Variants in NR6A1 observed in about 807,000 individuals in gnomAD.
NR6A1 encodes the protein retinoic acid receptor-related testis-associated receptor.
NR6A1 carries 7 observed loss-of-function variants against 59.1 expected under a neutral mutation model. The observed-to-expected ratio is 0.12, with a 90% CI of 0.07 to 0.22. The LOEUF (loss-of-function observed/expected upper bound fraction) is 0.22, where lower values mean the gene tolerates loss of function less well. Among genes scored for constraint, NR6A1 ranks in the 10% least tolerant of loss-of-function variants. NR6A1 has a pLI of 1.00. For missense variants in NR6A1, 468 were observed against 611.6 expected (o/e 0.77, Z 2.48); for synonymous variants, 243 against 236.1 (o/e 1.03, Z -0.27).
intron 1 of NR6A1, among the ~76,000 whole-genome samples, chr9:124,750,805 A>G (rs1009276691): frequency 4.0e-5 from 6 of 151,622 alleles, no homozygotes; most frequent in African/African-American, 1.5e-4. Context: ...CCAGTTAAGG[A>G]AAAAAAAAGT....
At chr9:124,749,651 TTC>T (rs1180270111) in intron 1 of NR6A1, among the ~76,000 whole-genome samples, 4 of 152,080 alleles carry the variant, frequency 2.6e-5, no homozygotes, top group Admixed American at 2.6e-4. Context: ...AGCCTCGAAC[TTC>T]TGACTCAAGC....
At chr9:124,758,209 C>A (rs1415062254) in intron 1 of NR6A1, among the ~76,000 whole-genome samples, 1 of 152,160 alleles carries the variant, frequency 6.6e-6, no homozygotes, top group Non-Finnish European at 1.5e-5. Context: ...TTCCTGGTGC[C>A]AGTAAAATGA....
Position 124,537,987 on chromosome 9 carries a change from C to T in NR6A1, c.824+105G>A, listed in dbSNP as rs763847378. The T allele has an allele frequency of 9.4e-6, 8 of 854,626 alleles. No homozygotes were observed. In the South Asian group the frequency reaches 1.2e-4, roughly 13 times the overall value. The allele number at this position is 854,626 out of a possible 1,614,324, so 52.9% of individuals were successfully genotyped here. On this transcript the variant is annotated intron_variant, in intron 6 of 9. Coordinates refer to ENST00000487099, the MANE Select transcript of NR6A1 (RefSeq NM_033334.4). ...CCCTGACACTTGAGTCATTATCCCC[C>T]CAACTCATTCTGAAGCCACGGGTAT...
chr9:124,650,445 G>C (rs778657511), intron 2 of NR6A1, among the ~76,000 whole-genome samples: 1 of 152,090 alleles, frequency 6.6e-6, no homozygotes, highest in Non-Finnish European at 1.5e-5. Flanking sequence ...AAGGGTAGAG[G>C]GACAGTGGGG....
At chr9:124,590,440 A>T (rs759943480) in intron 2 of NR6A1, among the ~76,000 whole-genome samples, 3 of 152,046 alleles carry the variant, frequency 2.0e-5, no homozygotes, top group Non-Finnish European at 4.4e-5. Context: ...TCCCCCAGTC[A>T]CTCTCAAAAG....
intron 2 of NR6A1, among the ~76,000 whole-genome samples, chr9:124,690,118 A>T (rs369628878): frequency 3.8e-4 from 58 of 152,288 alleles, no homozygotes; most frequent in Admixed American, 7.2e-4. Flanking sequence ...CATTACCCCC[A>T]AACACTTATA....
chr9:124,746,449 C>T, intron 1 of NR6A1, among the ~76,000 whole-genome samples: 1 of 152,086 alleles, frequency 6.6e-6, no homozygotes, highest in East Asian at 1.9e-4. Flanking sequence ...CTTAGCTGGG[C>T]ATGGTGGTGG....
At chr9:124,630,506 G>A (rs966771117) in intron 2 of NR6A1, among the ~76,000 whole-genome samples, 1 of 151,352 alleles carries the variant, frequency 6.6e-6, no homozygotes, top group Non-Finnish European at 1.5e-5. Flanking sequence ...AAAGTGCTGG[G>A]ATTACAGGTG....
At chr9:124,729,206 C>T (rs373586037) in intron 2 of NR6A1, among the ~76,000 whole-genome samples, 3 of 151,952 alleles carry the variant, frequency 2.0e-5, no homozygotes, top group South Asian at 2.1e-4. Context: ...GGAAAGGTCA[C>T]GTATTTGGAA....
At chr9:124,722,362 T>C (rs570110900) in intron 2 of NR6A1, among the ~76,000 whole-genome samples, 9 of 152,352 alleles carry the variant, frequency 5.9e-5, no homozygotes, top group African/African-American at 2.2e-4. Flanking sequence ...GTTCACTCTC[T>C]GCAGACATTT....
At position 124,714,529 on chromosome 9, in the gene NR6A1, C is replaced by A. The variant is rs558782386; in HGVS notation, c.142+18779G>T. Among the ~76,000 whole-genome samples the A allele has an allele frequency of 1.1e-3, 171 of 152,280 alleles. 2 individuals carry two copies. In the South Asian group the frequency reaches 0.034, roughly 30 times the overall value. ...CATCACTCTCACCATTTCTATCTATCATTGTACTGGAAATCTTAGCCAGTG... is the reference window on the plus strand; with the variant it reads ...CATCACTCTCACCATTTCTATCTATAATTGTACTGGAAATCTTAGCCAGTG... On this transcript the variant is annotated intron_variant, in intron 2 of 9. Coordinates refer to ENST00000487099, the MANE Select transcript of NR6A1 (RefSeq NM_033334.4).
intron 2 of NR6A1, among the ~76,000 whole-genome samples, chr9:124,669,830 C>A (rs2130963805): frequency 6.6e-6 from 1 of 152,284 alleles, no homozygotes; most frequent in Middle Eastern, 3.4e-3. Flanking sequence ...CTCCTGACCT[C>A]AGGTGATCCA....
At chr9:124,700,076 C>A (rs894864643) in intron 2 of NR6A1, among the ~76,000 whole-genome samples, 1 of 152,154 alleles carries the variant, frequency 6.6e-6, no homozygotes, top group African/African-American at 2.4e-5. Flanking sequence ...TCTCAAACTC[C>A]TGGCCTCAAG....
chr9:124,599,586 C>CGCGGCG (rs1043863054), intron 2 of NR6A1: 3 of 1,140,548 alleles, frequency 2.6e-6, no homozygotes, highest in African/African-American at 1.7e-5. Context: ...GCCATGAGGG[C>CGCGGCG]GCGGCGGCGG....
chr9:124,719,490 C>A (rs1368943699), intron 2 of NR6A1, among the ~76,000 whole-genome samples: 2 of 152,172 alleles, frequency 1.3e-5, no homozygotes, highest in East Asian at 3.8e-4. Flanking sequence ...CATTTTCCCA[C>A]ACTCTCATCA....
rs775195028 is a variant in NR6A1, at chr9:124,524,814, T to C, written c.1261A>G (p.Ile421Val). ...LEQLNKRYWYICQDFTEYKYT... is the reference protein window; with the variant it reads ...LEQLNKRYWYVCQDFTEYKYT... Reference sequence around the variant, plus strand: ...TTATATTCAGTAAAATCCTGGCAAATGTACCAGTATCGTTTATTCAATTGT... The same window carrying C: ...TTATATTCAGTAAAATCCTGGCAAACGTACCAGTATCGTTTATTCAATTGT... Residue 421 changes from isoleucine (I) to valine (V), a missense_variant, in exon 9 of 10, where the codon ATT (isoleucine) becomes GTT (valine). Physicochemically the swap from Ile to Val is conservative, Grantham distance 29. Transcript: ENST00000487099. 6.2e-7 allele frequency: 1 copy of C among 1,613,772 alleles called. No individual in the cohort carries two copies.
chr9:124,556,865 A>AC (rs1833944377), intron 2 of NR6A1, among the ~76,000 whole-genome samples: 1 of 139,854 alleles, frequency 7.2e-6, no homozygotes, highest in African/African-American at 3.0e-5. Context: ...AAACTAATAT[A>AC]CCTTTTTTTT....
chr9:124,566,935 C>T (rs945524468), intron 2 of NR6A1, among the ~76,000 whole-genome samples: 10 of 151,878 alleles, frequency 6.6e-5, no homozygotes, highest in African/African-American at 1.9e-4. Context: ...GGTGAAACCC[C>T]GTCTCTACTA....
At chr9:124,733,593 A>T (rs1839943642) in intron 1 of NR6A1, among the ~76,000 whole-genome samples, 2 of 152,208 alleles carry the variant, frequency 1.3e-5, no homozygotes, top group Admixed American at 1.3e-4. Flanking sequence ...TACCAAAATA[A>T]AATGCTTACC....
Sources: allele counts gnomAD v4.1 joint callset (sites outside exome capture counted in the v4.1 genomes callset), GRCh38; gene constraint gnomAD v4.1.1; transcripts MANE v1.5; gene names NCBI Gene and HGNC (gene_info 2026-07-23, HGNC 2026-07-21).